Variants in CDC73 observed in about 807,000 individuals in gnomAD.
CDC73 encodes cell division cycle 73, also known as parafibromin.
In CDC73, 21 loss-of-function variants were observed where a neutral mutation model predicts 83.7. The observed-to-expected ratio is 0.25, with a 90% CI of 0.18 to 0.36. The LOEUF (loss-of-function observed/expected upper bound fraction) is 0.36. Among genes scored for constraint, CDC73 ranks in the 10% least tolerant of loss-of-function variants. The pLI, the probability that CDC73 is intolerant of heterozygous loss-of-function variation, is 1.00. For synonymous variants in CDC73, 224 were observed against 212.9 expected (o/e 1.05, Z -0.45); for missense variants, 342 against 653.3 (o/e 0.52, Z 5.19).
intron 13 of CDC73, among the ~76,000 whole-genome samples, chr1:193,220,584 C>A (rs1677452233): frequency 6.6e-6 from 1 of 152,138 alleles, no homozygotes; most frequent in Non-Finnish European, 1.5e-5. Context: ...TTTTAAGTGC[C>A]TCCAACTTAA....
chr1:193,202,276 C>A (rs1677104956), intron 10 of CDC73, among the ~76,000 whole-genome samples: 1 of 151,936 alleles, frequency 6.6e-6, no homozygotes, highest in African/African-American at 2.4e-5. Context: ...GCTCCAGGTA[C>A]TGGAATTACA....
chr1:193,152,170 C>G (rs1042728688), intron 9 of CDC73, among the ~76,000 whole-genome samples: 1 of 152,076 alleles, frequency 6.6e-6, no homozygotes, highest in Admixed American at 6.5e-5. Context: ...GCTTGCTGGT[C>G]TGTATTTAAT....
At chr1:193,231,264 T>C (rs914330307) in intron 13 of CDC73, among the ~76,000 whole-genome samples, 5 of 152,192 alleles carry the variant, frequency 3.3e-5, no homozygotes, top group African/African-American at 9.6e-5. Context: ...TGCAGTCTTA[T>C]ATTTAACAAC....
intron 10 of CDC73, among the ~76,000 whole-genome samples, chr1:193,190,238 A>G (rs1000150178): frequency 6.6e-6 from 1 of 152,224 alleles, no homozygotes; most frequent in Non-Finnish European, 1.5e-5. Context: ...TTAGAGACCA[A>G]TTTTAGTTTT....
chr1:193,234,882 A>G (rs1474115143), intron 14 of CDC73, among the ~76,000 whole-genome samples: 1 of 140,884 alleles, frequency 7.1e-6, no homozygotes, highest in East Asian at 2.1e-4. Context: ...TTAAGATTTA[A>G]TTTTAGTCTC....
At chr1:193,155,750 C>G (rs961904804) in intron 10 of CDC73, among the ~76,000 whole-genome samples, 1 of 152,144 alleles carries the variant, frequency 6.6e-6, no homozygotes, top group Non-Finnish European at 1.5e-5. Flanking sequence ...GCACTCCAGT[C>G]TGGGTGACAG....
chr1:193,203,908 G>C, intron 11 of CDC73, 56 bp downstream of exon 11: 1 of 1,370,974 alleles, frequency 7.3e-7, no homozygotes, highest in Non-Finnish European at 1.0e-6. Flanking sequence ...AACAGTGCAA[G>C]TTTTTAGTAT....
At position 193,147,980 on chromosome 1, in the gene CDC73, C is replaced by G; in HGVS notation, c.828+15C>G. 1 of 1,544,620 alleles carries G rather than the reference C, an allele frequency of 6.5e-7. No individual in the cohort carries two copies. On this transcript the variant is annotated intron_variant, in intron 8 of 16. Coordinates refer to ENST00000367435, the MANE Select transcript of CDC73 (RefSeq NM_024529.5). ...CAGCACCTGTGGTAAGAATGCTTTA[C>G]TGCTTTACAGTAGATTTAATGAAGT...
chr1:193,235,536 A>T (rs1333971941), intron 14 of CDC73, among the ~76,000 whole-genome samples: 3 of 152,210 alleles, frequency 2.0e-5, no homozygotes, highest in Non-Finnish European at 2.9e-5. Flanking sequence ...TGTTTATGGC[A>T]GTACTTCTTA....
At chr1:193,188,552 C>T (rs1047716220) in intron 10 of CDC73, among the ~76,000 whole-genome samples, 7 of 152,002 alleles carry the variant, frequency 4.6e-5, no homozygotes, top group Middle Eastern at 3.4e-3. Flanking sequence ...TGATTAACTA[C>T]TGTGTACCAA....
At chr1:193,156,069 A>C (rs914927137) in intron 10 of CDC73, among the ~76,000 whole-genome samples, 1 of 152,242 alleles carries the variant, frequency 6.6e-6, no homozygotes, top group African/African-American at 2.4e-5. Flanking sequence ...GGGTCATATT[A>C]GACAAAGAAT....
intron 13 of CDC73, among the ~76,000 whole-genome samples, chr1:193,226,949 ACTT>A (rs1211822837): frequency 6.6e-6 from 1 of 151,950 alleles, no homozygotes; most frequent in Admixed American, 6.6e-5. Flanking sequence ...CTGGTTCTGA[ACTT>A]TTTTTTGTTG....
intron 10 of CDC73, among the ~76,000 whole-genome samples, chr1:193,184,907 C>A (rs1676778897): frequency 6.6e-6 from 1 of 151,786 alleles, no homozygotes. Flanking sequence ...TAGATAATTA[C>A]TGAGTTGTGT....
At chr1:193,174,216 C>T (rs1003341217) in intron 10 of CDC73, among the ~76,000 whole-genome samples, 1 of 151,918 alleles carries the variant, frequency 6.6e-6, no homozygotes. Context: ...TTTCTCCTTC[C>T]AGTTGTTTGT....
At position 193,251,447 on chromosome 1, in the gene CDC73, A is replaced by T. The variant is rs1678041682; in HGVS notation, c.*735A>T. On this transcript the variant is annotated 3_prime_UTR_variant, in exon 17 of 17. Transcript: ENST00000367435. ...ACCACAATAGGCTGTAGTATTTTTT[A>T]TTTTGGGAGCCAGAGTATGATTTGG... The T allele has an allele frequency of 4.3e-6, 1 of 232,002 alleles. No homozygotes were observed. The highest frequency in any genetic ancestry group is 5.6e-5 in the Admixed American group (1 of 17,708). 14.4% of individuals were successfully genotyped at this position (232,002 alleles called of 1,614,324 possible). A position where few individuals can be genotyped will look rare whatever the true frequency, so the allele number is the denominator to read the frequency against.
At position 193,175,843 on chromosome 1, in the gene CDC73, A is replaced by G. The variant is rs186996769; in HGVS notation, c.972+23399A>G. 5.3e-5 allele frequency among the ~76,000 whole-genome samples: 8 copies of G among 152,324 alleles called. No individual in the cohort carries two copies. The East Asian group carries it at 1.2e-3, about 22-fold the overall frequency. On this transcript the variant is annotated intron_variant, in intron 10 of 16. Coordinates refer to ENST00000367435, the MANE Select transcript of CDC73 (RefSeq NM_024529.5). ...CAGAGGTATAATTGTACTCTAAATT[A>G]GAGGTTTTGCTTATGACCTTTGATT...
intron 10 of CDC73, among the ~76,000 whole-genome samples, chr1:193,202,657 C>T (rs1247025883): frequency 4.7e-5 from 7 of 147,562 alleles, no homozygotes; most frequent in Non-Finnish European, 8.9e-5. Flanking sequence ...TGCTACCTAC[C>T]TGCTCCTGCG....
intron 13 of CDC73, 91 bp from the exon 14 acceptor site, chr1:193,232,902 C>CAAA: frequency 3.1e-6 from 3 of 973,418 alleles, no homozygotes; most frequent in African/African-American, 1.7e-5. Context: ...AACTCTGTCT[C>CAAA]AAAAAAAAAA....
chr1:193,206,065 G>A (rs765873608), intron 11 of CDC73, among the ~76,000 whole-genome samples: 2 of 152,158 alleles, frequency 1.3e-5, no homozygotes, highest in Non-Finnish European at 2.9e-5. Flanking sequence ...AAAGAAGTTA[G>A]TATGTAAGGA....
Sources: allele counts gnomAD v4.1 joint callset (sites outside exome capture counted in the v4.1 genomes callset), GRCh38; gene constraint gnomAD v4.1.1; transcripts MANE v1.5; gene names NCBI Gene and HGNC (gene_info 2026-07-23, HGNC 2026-07-21).